The following CDH12 variants were observed in gnomAD, a reference collection of about 807,000 sequenced individuals.
CDH12 encodes the protein cadherin 12.
A neutral mutation model predicts 74.1 loss-of-function variants in CDH12; 41 were observed. The ratio of observed to expected loss-of-function variants is 0.55; its 90% CI spans 0.43 to 0.72. The LOEUF is 0.72. CDH12 is among the 30% of genes least tolerant of loss of function. The probability of loss-of-function intolerance (pLI) is 0.00; values close to 1 mark genes in which losing one functional copy is unlikely to be tolerated. For missense variants in CDH12, 945 were observed against 977.2 expected (o/e 0.97, Z 0.44); for synonymous variants, 399 against 355.0 (o/e 1.12, Z -1.39).
At chr5:21,905,579 C>T (rs946903107) in intron 6 of CDH12, among the ~76,000 whole-genome samples, 1 of 152,240 alleles carries the variant, frequency 6.6e-6, no homozygotes, top group Non-Finnish European at 1.5e-5. Context: ...TATTGAGTCC[C>T]TTACCCGATC....
At chr5:22,677,054 CA>C (rs1303455984) in intron 1 of CDH12, among the ~76,000 whole-genome samples, 1 of 151,958 alleles carries the variant, frequency 6.6e-6, no homozygotes, top group Admixed American at 6.6e-5. Context: ...GAAATTCTGA[CA>C]AAAAAAGTGC....
intron 4 of CDH12, among the ~76,000 whole-genome samples, chr5:22,194,749 T>C (rs973119171): frequency 6.6e-6 from 1 of 152,148 alleles, no homozygotes; most frequent in Non-Finnish European, 1.5e-5. Flanking sequence ...TAAAAGGCAA[T>C]ATGTTATTCT....
At chr5:22,125,399 T>C (rs1439177323) in intron 4 of CDH12, among the ~76,000 whole-genome samples, 2 of 152,188 alleles carry the variant, frequency 1.3e-5, no homozygotes. Context: ...CTGAGAATGA[T>C]GGTTTCCAGC....
chr5:22,127,496 A>G (rs1745947130), intron 4 of CDH12, among the ~76,000 whole-genome samples: 1 of 108,464 alleles, frequency 9.2e-6, no homozygotes, highest in Non-Finnish European at 2.1e-5. Flanking sequence ...AAAAAAAAAG[A>G]GAAAAGTAGG....
chr5:21,783,953 G>A (rs972124939), intron 10 of CDH12, among the ~76,000 whole-genome samples: 9 of 151,852 alleles, frequency 5.9e-5, no homozygotes, highest in African/African-American at 1.9e-4. Context: ...GGAAACAAAC[G>A]GTAAATTTTT....
At chr5:22,567,739 A>C (rs901102051) in intron 1 of CDH12, among the ~76,000 whole-genome samples, 1 of 152,224 alleles carries the variant, frequency 6.6e-6, no homozygotes, top group Non-Finnish European at 1.5e-5. Flanking sequence ...GATTGAGTAC[A>C]TCCTATTTGC....
At chr5:21,983,753 T>C (rs1386027962) in intron 5 of CDH12, among the ~76,000 whole-genome samples, 3 of 152,168 alleles carry the variant, frequency 2.0e-5, no homozygotes, top group Non-Finnish European at 4.4e-5. Flanking sequence ...TATTATTTAT[T>C]GTCATATCTT....
intron 8 of CDH12, among the ~76,000 whole-genome samples, chr5:21,826,751 C>T (rs957631189): frequency 6.6e-6 from 1 of 152,100 alleles, no homozygotes; most frequent in African/African-American, 2.4e-5. Flanking sequence ...CACTTAGTAA[C>T]AGCAACCACT....
intron 1 of CDH12, among the ~76,000 whole-genome samples, chr5:22,743,358 G>T (rs1449631155): frequency 6.6e-6 from 1 of 150,678 alleles, no homozygotes; most frequent in Non-Finnish European, 1.5e-5. Context: ...GGAGAACTCT[G>T]ATGAATGCAT....
intron 3 of CDH12, chr5:22,277,988 C>T (rs1382420979): frequency 6.6e-6 from 1 of 152,290 alleles, no homozygotes; most frequent in Non-Finnish European, 1.5e-5. Flanking sequence ...TGGAAAAAGG[C>T]TGATCTTTCT....
chr5:22,505,885 G>A (rs920877198), intron 1 of CDH12, among the ~76,000 whole-genome samples: 1 of 152,050 alleles, frequency 6.6e-6, no homozygotes. Flanking sequence ...TTGGGAGGAG[G>A]ACCATAAAGT....
intron 6 of CDH12, among the ~76,000 whole-genome samples, chr5:21,913,003 G>T (rs1278606757): frequency 6.6e-6 from 1 of 152,004 alleles, no homozygotes; most frequent in Non-Finnish European, 1.5e-5. Flanking sequence ...CCACAACACT[G>T]GGCTAATTTT....
rs557468908 is a variant in CDH12 at position 22,837,255 on chromosome 5, G to A, written c.-523+15803C>T. Among the ~76,000 whole-genome samples the A allele has an allele frequency of 2.6e-5, 4 of 151,752 alleles. No individual in the cohort carries two copies. In the East Asian group the frequency reaches 5.9e-4, roughly 22 times the overall value. Reference sequence around the variant, plus strand: ...GCAACACAGTAGACCCTGTTTCTACGAACAAAAATTTTAAAAAAATTAGCT... The same window carrying A: ...GCAACACAGTAGACCCTGTTTCTACAAACAAAAATTTTAAAAAAATTAGCT... On this transcript the variant is annotated intron_variant, in intron 1 of 14. Transcript: ENST00000382254.
chr5:22,612,170 C>T (rs1199268025), intron 1 of CDH12, among the ~76,000 whole-genome samples: 1 of 152,094 alleles, frequency 6.6e-6, no homozygotes, highest in African/African-American at 2.4e-5. Context: ...CGCTGGTGAG[C>T]TCTCTTTCTT....
chr5:22,701,335 G>A (rs1346170979), intron 1 of CDH12, among the ~76,000 whole-genome samples: 1 of 151,826 alleles, frequency 6.6e-6, no homozygotes, highest in Non-Finnish European at 1.5e-5. Context: ...TTATCCTAAT[G>A]TTCTCCAACT....
At chr5:22,026,939 T>C (rs574531422) in intron 5 of CDH12, among the ~76,000 whole-genome samples, 1 of 152,282 alleles carries the variant, frequency 6.6e-6, no homozygotes, top group Admixed American at 6.5e-5. Flanking sequence ...CAGTATGATA[T>C]TGGCTGTGGG....
At chr5:22,198,085 C>A (rs1043708132) in intron 4 of CDH12, among the ~76,000 whole-genome samples, 3 of 151,916 alleles carry the variant, frequency 2.0e-5, no homozygotes, top group Admixed American at 6.6e-5. Flanking sequence ...ATAATTACAA[C>A]AAAGTTCTTA....
chr5:22,046,058 A>G (rs947262256), intron 5 of CDH12, among the ~76,000 whole-genome samples: 1 of 152,206 alleles, frequency 6.6e-6, no homozygotes, highest in African/African-American at 2.4e-5. Flanking sequence ...AGCATTGCCA[A>G]TGTAAATATA....
intron 1 of CDH12, among the ~76,000 whole-genome samples, chr5:22,560,444 C>T (rs928448543): frequency 6.6e-6 from 1 of 152,056 alleles, no homozygotes; most frequent in South Asian, 2.1e-4. Flanking sequence ...ATAAGAGGTG[C>T]TTACTGTATC....
Sources: allele counts gnomAD v4.1 joint callset (sites outside exome capture counted in the v4.1 genomes callset), GRCh38; gene constraint gnomAD v4.1.1; transcripts MANE v1.5; gene names NCBI Gene and HGNC (gene_info 2026-07-23, HGNC 2026-07-21).